The following ERAP2 variants were observed in gnomAD, a reference collection of about 807,000 sequenced individuals.
ERAP2 encodes the protein endoplasmic reticulum aminopeptidase 2.
In ERAP2, 118 loss-of-function variants were observed where a neutral mutation model predicts 111.1. That is an observed-to-expected ratio of 1.06 (90% CI 0.92 to 1.24). The LOEUF (loss-of-function observed/expected upper bound fraction) is 1.24. Ranked by LOEUF, ERAP2 falls within the 50% of genes most tolerant of loss-of-function variation. The pLI is 0.00. For synonymous variants in ERAP2, 410 were observed against 401.2 expected (o/e 1.02, Z -0.26); for missense variants, 1,131 against 1,125.8 (o/e 1.00, Z -0.07).
At chr5:96,877,271 G>A (rs545352190) in intron 1 of ERAP2, among the ~76,000 whole-genome samples, 4 of 152,130 alleles carry the variant, frequency 2.6e-5, no homozygotes, top group Non-Finnish European at 5.9e-5. Context: ...CACTGTGCCC[G>A]GTCCTGTTTC....
Position 96,892,536 on chromosome 5 carries a change from A to G in ERAP2, c.1125+83A>G, listed in dbSNP as rs58608188. ...ACGACCAATCTTCCTGAAACAAAATAAATCATCTCATTTACCTCTAGAGGG... is the reference window on the plus strand; with the variant it reads ...ACGACCAATCTTCCTGAAACAAAATGAATCATCTCATTTACCTCTAGAGGG... On this transcript the variant is annotated intron_variant, in intron 6 of 18. Transcript: ENST00000437043. 10,053 of 1,515,244 alleles carry G rather than the reference A, an allele frequency of 6.6e-3. 501 individuals carry two copies. The African/African-American group carries it at 0.12, about 18-fold the overall frequency. The allele number at this position is 1,515,244 out of a possible 1,614,324, so 93.9% of individuals were successfully genotyped here. A position where few individuals can be genotyped will look rare whatever the true frequency, so the allele number is the denominator to read the frequency against.
chr5:96,900,643 G>A (rs979093514), intron 10 of ERAP2, among the ~76,000 whole-genome samples: 3 of 152,076 alleles, frequency 2.0e-5, no homozygotes, highest in Non-Finnish European at 4.4e-5. Context: ...TAAACAAAGA[G>A]TCATGCTAAT....
intron 3 of ERAP2, among the ~76,000 whole-genome samples, chr5:96,885,778 A>G (rs1254867241): frequency 6.6e-6 from 1 of 152,220 alleles, no homozygotes; most frequent in East Asian, 1.9e-4. Flanking sequence ...GTATCCATTC[A>G]GTATTTGGGG....
Position 96,879,751 on chromosome 5 carries a change from T to G in ERAP2, c.66T>G (p.Phe22Leu). The G allele has an allele frequency of 6.2e-7, 1 of 1,614,214 alleles. No homozygotes were observed. ...CAATGTTTAACATTCACAGAGGATT[T>G]TACTGCTTAACAGCCATCTTGCCCC... ...RKPMFNIHRG[F>L]YCLTAILPQI... Residue 22 changes from phenylalanine to leucine, a missense_variant, in exon 2 of 19, where the codon TTT becomes TTG. Physicochemically the swap from Phe to Leu is conservative, Grantham distance 22. Transcript: ENST00000437043.
chr5:96,898,602 T>C (rs6859160), intron 9 of ERAP2, among the ~76,000 whole-genome samples: 77,540 of 144,078 alleles, frequency 0.54, 20,965 homozygotes, highest in Admixed American at 0.58. Context: ...ATTAGCCAGG[T>C]CTGGTGGATC....
At chr5:96,885,936 G>A (rs1179283677) in intron 3 of ERAP2, among the ~76,000 whole-genome samples, 1 of 152,210 alleles carries the variant, frequency 6.6e-6, no homozygotes, top group African/African-American at 2.4e-5. Context: ...ATGGACAGAA[G>A]CTTAAATTAC....
intron 5 of ERAP2, 60 bp from the exon 6 acceptor site, chr5:96,892,239 C>A (rs1581832795): frequency 1.3e-6 from 2 of 1,564,992 alleles, no homozygotes; most frequent in Non-Finnish European, 1.8e-6. Flanking sequence ...GAGCAGAGAG[C>A]AAATTCTATT....
intron 5 of ERAP2, chr5:96,889,631 G>A (rs1302279808): frequency 3.1e-6 from 2 of 637,476 alleles, no homozygotes; most frequent in East Asian, 2.6e-5. Context: ...AAGAGATGGG[G>A]AGAAAAAGAA....
At chr5:96,892,513 G>T in intron 6 of ERAP2, 60 bp downstream of exon 6, 1 of 1,581,718 alleles carries the variant, frequency 6.3e-7, no homozygotes, top group Non-Finnish European at 8.6e-7. Context: ...TATAGAACAC[G>T]ACCAATCTTC....
At chr5:96,916,709 C>G (rs1019239058) in intron 18 of ERAP2, among the ~76,000 whole-genome samples, 4 of 151,414 alleles carry the variant, frequency 2.6e-5, no homozygotes, top group Non-Finnish European at 5.9e-5. Context: ...ACCTCGTGAT[C>G]CACCCACTTT....
chr5:96,900,006 T>C, intron 9 of ERAP2, 115 bp from the exon 10 acceptor site: 1 of 1,237,738 alleles, frequency 8.1e-7, no homozygotes. Flanking sequence ...TTATCATGTC[T>C]GGATGAATTA....
chr5:96,915,890 C>A, intron 18 of ERAP2, 121 bp downstream of exon 18: 3 of 781,742 alleles, frequency 3.8e-6, no homozygotes, highest in African/African-American at 1.8e-5. Flanking sequence ...GTTGTTTGTC[C>A]AATGCCATAT....
At chr5:96,886,539 C>G (rs1209107016) in intron 3 of ERAP2, 116 bp from the exon 4 acceptor site, 1 of 796,858 alleles carries the variant, frequency 1.3e-6, no homozygotes, top group Non-Finnish European at 1.8e-6. Context: ...CCTAGGAGGT[C>G]ATCGATTGTC....
chr5:96,911,584 T>G (rs1786743299), intron 15 of ERAP2, among the ~76,000 whole-genome samples: 1 of 151,938 alleles, frequency 6.6e-6, no homozygotes, highest in Admixed American at 6.6e-5. Flanking sequence ...CAGACAGGCC[T>G]CAGAAAATGC....
chr5:96,881,043 A>C lies in ERAP2; in HGVS notation c.575+783A>C, dbSNP rs116486250. On this transcript the variant is annotated intron_variant, in intron 2 of 18. Transcript: ENST00000437043. ...GAGAACATCTCGGGGCAAGTGCTCT[A>C]AAGTGGGATTGGTTGAGGAAGGCCA... The C allele has an allele frequency of 7.1e-3, 1,236 of 174,094 alleles. 15 individuals carry two copies. The highest frequency in any genetic ancestry group is 0.028 in the African/African-American group (1,170 of 42,108). 10.8% of individuals were successfully genotyped at this position (174,094 alleles called of 1,614,324 possible). A position where few individuals can be genotyped will look rare whatever the true frequency, so the allele number is the denominator to read the frequency against.
chr5:96,888,923 T>C (rs895857458), intron 4 of ERAP2, among the ~76,000 whole-genome samples: 3 of 152,224 alleles, frequency 2.0e-5, no homozygotes, highest in African/African-American at 7.2e-5. Context: ...TATGATACAA[T>C]GGGTTAACAT....
intron 9 of ERAP2, among the ~76,000 whole-genome samples, chr5:96,899,618 G>A (rs1050412288): frequency 2.0e-5 from 3 of 152,198 alleles, no homozygotes; most frequent in African/African-American, 4.8e-5. Flanking sequence ...CAGTTAGTTC[G>A]AAATATTGTA....
chr5:96,912,112 C>A lies in ERAP2; in HGVS notation c.2355-525C>A, dbSNP rs370566191. On this transcript the variant is annotated intron_variant, in intron 15 of 18. Transcript: ENST00000437043. Reference sequence around the variant, plus strand: ...GGCTGAGGCAGGAGAATGGTGTGAACCCCGGGGGGCGGAGCCTGCAGTGAG... The same window carrying A: ...GGCTGAGGCAGGAGAATGGTGTGAAACCCGGGGGGCGGAGCCTGCAGTGAG... Among the ~76,000 whole-genome samples the A allele has an allele frequency of 2.0e-5, 3 of 149,318 alleles. No individual in the cohort carries two copies. In the East Asian group the frequency reaches 5.9e-4, roughly 29 times the overall value.
In ERAP2 at chr5:96,919,416, A is replaced by C. The variant is rs1787753041; in HGVS notation, c.*1811A>C. Reference sequence around the variant, plus strand: ...AATTACATGTATTTTAGCATAAGGAAATTGAAAAAGTAAAACATACTGGTT... The same window carrying C: ...AATTACATGTATTTTAGCATAAGGACATTGAAAAAGTAAAACATACTGGTT... On this transcript the variant is annotated 3_prime_UTR_variant, in exon 19 of 19. Transcript: ENST00000437043. The C allele has an allele frequency of 6.6e-6, 1 of 152,370 alleles. No homozygotes were observed. Among genetic ancestry groups the C allele is most frequent in the East Asian group, 1.9e-4 (1 of 5,336 alleles). 9.4% of individuals were successfully genotyped at this position (152,370 alleles called of 1,614,324 possible).
Sources: gnomAD v4.1 joint callset for allele counts (sites outside exome capture counted in the v4.1 genomes callset) on GRCh38, gnomAD v4.1.1 for gene constraint, MANE v1.5 for transcripts, NCBI Gene and HGNC (gene_info 2026-07-23, HGNC 2026-07-21) for gene names.